ERFE: variants seen among roughly 807,000 people sequenced by gnomAD.
ERFE encodes the protein complement C1q tumor necrosis factor-related protein 15.
In ERFE, 25 loss-of-function variants were observed where a neutral mutation model predicts 26.6. The ratio of observed to expected loss-of-function variants is 0.94; its 90% CI spans 0.69 to 1.31. The LOEUF (loss-of-function observed/expected upper bound fraction) is 1.31. Among genes scored for constraint, ERFE ranks in the 40% most tolerant of loss-of-function variants. The probability of loss-of-function intolerance (pLI) is 0.00; values close to 1 mark genes in which losing one functional copy is unlikely to be tolerated. For missense variants in ERFE, 447 were observed against 440.2 expected, an observed-to-expected ratio of 1.02 and a Z score of -0.14; for synonymous variants, 206 against 204.5, an observed-to-expected ratio of 1.01 and a Z score of -0.06.
At position 238,165,002 on chromosome 2, in the gene ERFE, C is replaced by G. The variant is rs1574769598; in HGVS notation, c.888-604C>G. Among the ~76,000 whole-genome samples, 6 of 152,278 alleles carry G rather than the reference C, an allele frequency of 3.9e-5. 1 individual carries two copies. The South Asian group carries it at 1.2e-3, about 32-fold the overall frequency. On this transcript the variant is annotated intron_variant, in intron 6 of 7. Coordinates refer to ENST00000546354, the MANE Select transcript of ERFE (RefSeq NM_001291832.2). ...ACTTTCATCTTGGGGCTCGAAGCAC[C>G]AGTGTTACTTCAAGAGGCCTCTCCA... is the stretch of plus-strand genomic sequence containing the variant.
At position 238,160,621 on chromosome 2, in the gene ERFE, C is replaced by T. The variant is rs543663255; in HGVS notation, c.199-973C>T. Reference sequence around the variant, plus strand: ...CTCGGCACCGCAGCCCCCATCTTCCCACCACAACACCCTGGCCTGCGCATT... The same window carrying T: ...CTCGGCACCGCAGCCCCCATCTTCCTACCACAACACCCTGGCCTGCGCATT... On this transcript the variant is annotated intron_variant, in intron 1 of 7. Transcript: ENST00000546354. Among the ~76,000 whole-genome samples, 9 of 152,318 alleles carry T rather than the reference C, an allele frequency of 5.9e-5. No individual in the cohort carries two copies. In the South Asian group the frequency reaches 1.7e-3, roughly 28 times the overall value.
At chr2:238,163,242 C>A (rs1281834939) in intron 3 of ERFE, among the ~76,000 whole-genome samples, 2 of 152,228 alleles carry the variant, frequency 1.3e-5, no homozygotes, top group Admixed American at 1.3e-4. Context: ...CACCACTGGC[C>A]AGGGCTGGGG....
In ERFE at chr2:238,163,892, G is replaced by A; in HGVS notation, c.580G>A (p.Ala194Thr). ...DVLALLAAPLAPGPRAPRVEA... is the reference protein window; with the variant it reads ...DVLALLAAPLTPGPRAPRVEA... ...GCTGGCACTGCTGGCCGCGCCCCTGGCCCCGGGGCCGCGGGCGCCGCGCGT... is the reference window on the plus strand; with the variant it reads ...GCTGGCACTGCTGGCCGCGCCCCTGACCCCGGGGCCGCGGGCGCCGCGCGT... The change falls in exon 4 of 8, where the codon GCC (alanine) becomes ACC (threonine). Residue 194 changes from alanine to threonine, a missense_variant. Transcript: ENST00000546354. 1 of 1,318,272 alleles carries A rather than the reference G, an allele frequency of 7.6e-7. No individual in the cohort carries two copies. The highest frequency in any genetic ancestry group is 9.6e-7 in the Non-Finnish European group (1 of 1,042,628). The allele number at this position is 1,318,272 out of a possible 1,614,324, so 81.7% of individuals were successfully genotyped here. A position where few individuals can be genotyped will look rare whatever the true frequency, so the allele number is the denominator to read the frequency against.
chr2:238,161,100 C>T (rs554379692), intron 1 of ERFE, among the ~76,000 whole-genome samples: 1 of 152,294 alleles, frequency 6.6e-6, no homozygotes, highest in East Asian at 1.9e-4. Context: ...GCTGAATTTG[C>T]CTCCTTAGAA....
chr2:238,166,231 A>G (rs989828287), intron 7 of ERFE, among the ~76,000 whole-genome samples: 1 of 152,242 alleles, frequency 6.6e-6, no homozygotes, highest in Non-Finnish European at 1.5e-5. Flanking sequence ...GGTGTGTGGA[A>G]TAACAGCTGC....
chr2:238,165,694 G>A lies in ERFE; in HGVS notation c.966+10G>A, dbSNP rs1274431819. On this transcript the variant is annotated intron_variant, in intron 7 of 7. Coordinates refer to ENST00000546354, the MANE Select transcript of ERFE (RefSeq NM_001291832.2). ...CGTCCTGTACCTGCAGGTGAGTGCGGCAGGCTTGGGCATCGAGGGGCACCG... is the reference window on the plus strand; with the variant it reads ...CGTCCTGTACCTGCAGGTGAGTGCGACAGGCTTGGGCATCGAGGGGCACCG... The A allele has an allele frequency of 1.3e-6, 2 of 1,544,862 alleles. No homozygotes were observed. The highest frequency in any genetic ancestry group is 8.8e-7 in the Non-Finnish European group (1 of 1,142,584).
At chr2:238,166,783 C>T (rs1048525390) in intron 7 of ERFE, among the ~76,000 whole-genome samples, 173 bp from the exon 8 acceptor site, 3 of 152,248 alleles carry the variant, frequency 2.0e-5, no homozygotes, top group African/African-American at 7.2e-5. Context: ...TGGGTGGGGC[C>T]CAACCCGTGC....
intron 6 of ERFE, chr2:238,164,653 G>A: frequency 2.4e-6 from 1 of 411,898 alleles, no homozygotes; most frequent in Non-Finnish European, 4.4e-6. Flanking sequence ...AGGAGATCGA[G>A]ACCATCCTGG....
chr2:238,161,497 G>A (rs1218263859), intron 1 of ERFE, 97 bp from the exon 2 acceptor site: 5 of 1,400,434 alleles, frequency 3.6e-6, no homozygotes, highest in Non-Finnish European at 1.9e-6. Flanking sequence ...GGGTCCCAGA[G>A]TACAGAAGGC....
Position 238,168,424 on chromosome 2 carries a change from A to C in ERFE, c.*1370A>C. The C allele has an allele frequency of 4.2e-6, 2 of 471,100 alleles. No individual in the cohort carries two copies. The highest frequency in any genetic ancestry group is 8.8e-6 in the Non-Finnish European group (2 of 227,004). 29.2% of individuals were successfully genotyped at this position (471,100 alleles called of 1,614,324 possible). A position where few individuals can be genotyped will look rare whatever the true frequency, so the allele number is the denominator to read the frequency against. On this transcript the variant is annotated 3_prime_UTR_variant, in exon 8 of 8. Coordinates refer to ENST00000546354, the MANE Select transcript of ERFE (RefSeq NM_001291832.2). ...TCCTGGGAGCCAAGCTGGTCTGGCA[A>C]GGGCGCTCAGGCCTGGGAGAGAAGG...
chr2:238,160,778 C>A (rs1315107374), intron 1 of ERFE, among the ~76,000 whole-genome samples: 1 of 152,214 alleles, frequency 6.6e-6, no homozygotes, highest in Non-Finnish European at 1.5e-5. Context: ...GTCCTTCCGT[C>A]AGCCCCCAGC....
intron 1 of ERFE, among the ~76,000 whole-genome samples, chr2:238,161,027 C>T (rs570799292): frequency 2.0e-5 from 3 of 152,346 alleles, no homozygotes; most frequent in South Asian, 4.1e-4. Flanking sequence ...ACAGAGGCCT[C>T]GCGTCATGAC....
intron 4 of ERFE, 23 bp from the exon 5 acceptor site, chr2:238,164,052 G>T: frequency 7.2e-7 from 1 of 1,394,904 alleles, no homozygotes; most frequent in Non-Finnish European, 9.3e-7. Flanking sequence ...GGGAGCCGGG[G>T]TGACCATCCG....
At position 238,163,761 on chromosome 2, in the gene ERFE, C is replaced by T. The variant is rs950819506; in HGVS notation, c.449C>T (p.Ala150Val). ...GGTGCGGTGCGGCAGCGGGAGCGCG[C>T]GGAGCCCGAACCCTGTACGTGTGGC... ...LKGAVRQRER[A>V]EPEPCTCGPA... The change falls in exon 4 of 8, where the codon GCG (alanine) becomes GTG (valine). Residue 150 changes from alanine (A) to valine (V), a missense_variant. Transcript: ENST00000546354. 9.6e-6 allele frequency: 13 copies of T among 1,352,996 alleles called. No individual in the cohort carries two copies. Among genetic ancestry groups the T allele is most frequent in the Non-Finnish European group, 1.0e-5 (11 of 1,057,372 alleles). The allele number at this position is 1,352,996 out of a possible 1,614,324, so 83.8% of individuals were successfully genotyped here.
rs183172169 is a variant in ERFE, at chr2:238,167,305, C to T, written c.*251C>T. On this transcript the variant is annotated 3_prime_UTR_variant, in exon 8 of 8. Transcript: ENST00000546354. ...GGCTCTTATCCAGGAAAGAAAGAGT[C>T]GGCGTGCCTGGGGGCACCTGCTAGT... The T allele has an allele frequency of 1.1e-4, 79 of 688,558 alleles. No individual in the cohort carries two copies. The highest frequency in any genetic ancestry group is 1.1e-3 in the African/African-American group (65 of 57,112). 42.7% of individuals were successfully genotyped at this position (688,558 alleles called of 1,614,324 possible).
Position 238,166,845 on chromosome 2 carries a change from C to A in ERFE, c.967-111C>A, listed in dbSNP as rs1419068261. The A allele has an allele frequency of 4.4e-6, 4 of 909,976 alleles. No homozygotes were observed. In the Admixed American group the frequency reaches 6.5e-5, roughly 15 times the overall value. 56.4% of individuals were successfully genotyped at this position (909,976 alleles called of 1,614,324 possible). A position where few individuals can be genotyped will look rare whatever the true frequency, so the allele number is the denominator to read the frequency against. The stretch of plus-strand genomic sequence containing the variant: ...CCACATTCTTCTCTGGGCCTGAGCC[C>A]TTCCCAAAAGCGGGGCTGAGTGGGC... On this transcript the variant is annotated intron_variant, in intron 7 of 7. Transcript: ENST00000546354.
intron 6 of ERFE, among the ~76,000 whole-genome samples, chr2:238,164,973 A>G (rs1290610227): frequency 2.6e-5 from 4 of 152,082 alleles, no homozygotes; most frequent in African/African-American, 4.8e-5. Context: ...TTCCCACCTC[A>G]GGGACTTTCA....
At position 238,164,355 on chromosome 2, in the gene ERFE, C is replaced by T; in HGVS notation, c.882C>T (p.Arg294=). 3 of 1,542,658 alleles carry T rather than the reference C, an allele frequency of 1.9e-6. No individual in the cohort carries two copies. The highest frequency in any genetic ancestry group is 2.6e-6 in the Non-Finnish European group (3 of 1,145,592). The change falls in exon 6 of 8, where the codon CGC becomes CGT. Residue 294 remains arginine, a synonymous_variant. Transcript: ENST00000546354. ...LLICIQSRCQ[R]NASLEAIMGL... ...TCTGCATCCAGTCCCGGTGCCAGCG[C>T]AACGCGTGAGTGTACCCCGGCCCGG... is the stretch of plus-strand genomic sequence containing the variant.
In ERFE at chr2:238,168,300, C is replaced by A. The variant is rs1693080769; in HGVS notation, c.*1246C>A. ...AGAGTAGGTAGTGAAGAGGACAAGG[C>A]CCTCGGCAGCGACCTCCAGGGCCTC... On this transcript the variant is annotated 3_prime_UTR_variant, in exon 8 of 8. Transcript: ENST00000546354. The A allele has an allele frequency of 2.3e-6, 1 of 439,866 alleles. No individual in the cohort carries two copies. Among genetic ancestry groups the A allele is most frequent in the Non-Finnish European group, 4.7e-6 (1 of 213,672 alleles). The allele number at this position is 439,866 out of a possible 1,614,324, so 27.2% of individuals were successfully genotyped here. A position where few individuals can be genotyped will look rare whatever the true frequency, so the allele number is the denominator to read the frequency against.
Sources: allele counts gnomAD v4.1 joint callset (sites outside exome capture counted in the v4.1 genomes callset), GRCh38; gene constraint gnomAD v4.1.1; transcripts MANE v1.5; gene names NCBI Gene and HGNC (gene_info 2026-07-23, HGNC 2026-07-21).